The following TXNRD1 variants were observed in gnomAD, a reference collection of about 807,000 sequenced individuals.
The protein encoded by TXNRD1 is thioredoxin reductase 1.
Under a neutral mutation model 80.3 loss-of-function variants are expected in TXNRD1, and 57 were observed. That is an observed-to-expected ratio of 0.71 (90% CI 0.57 to 0.89). The LOEUF (loss-of-function observed/expected upper bound fraction) is 0.89, where lower values mean the gene tolerates loss of function less well. Among genes scored for constraint, TXNRD1 ranks in the 40% least tolerant of loss-of-function variants. The probability of loss-of-function intolerance (pLI) is 0.00; values close to 1 mark genes in which losing one functional copy is unlikely to be tolerated. For synonymous variants in TXNRD1, 291 were observed against 285.2 expected (o/e 1.02, Z -0.20); for missense variants, 730 against 803.0 (o/e 0.91, Z 1.10).
chr12:104,309,152 G>A (rs549227867), intron 4 of TXNRD1, among the ~76,000 whole-genome samples: 5 of 152,056 alleles, frequency 3.3e-5, no homozygotes, highest in South Asian at 2.1e-4. Context: ...CTCCCGCTTC[G>A]GCCTCCCAAA....
chr12:104,347,500 A>G (rs1238740821), intron 16 of TXNRD1, among the ~76,000 whole-genome samples: 1 of 152,226 alleles, frequency 6.6e-6, no homozygotes, highest in East Asian at 1.9e-4. Context: ...CTTGTTAGTC[A>G]CTGCAAATGA....
At chr12:104,330,565 G>C (rs2035914053) in intron 13 of TXNRD1, among the ~76,000 whole-genome samples, 1 of 147,748 alleles carries the variant, frequency 6.8e-6, no homozygotes, top group Non-Finnish European at 1.5e-5. Flanking sequence ...GTGAACTATA[G>C]AACCATTTCC....
intron 1 of TXNRD1, among the ~76,000 whole-genome samples, chr12:104,216,376 T>A (rs554710715): frequency 2.6e-5 from 4 of 152,194 alleles, no homozygotes; most frequent in Admixed American, 6.5e-5. Context: ...TCGAGAATCT[T>A]GTCCGACACG....
chr12:104,271,216 C>T (rs553677803), intron 3 of TXNRD1, among the ~76,000 whole-genome samples: 4 of 137,332 alleles, frequency 2.9e-5, no homozygotes, highest in Admixed American at 2.4e-4. Context: ...GACGGAGTCT[C>T]GCTCTGTCGC....
chr12:104,215,799 C>T lies in TXNRD1; in HGVS notation c.-4C>T, dbSNP rs1020095018. On this transcript the variant is annotated 5_prime_UTR_variant, in exon 1 of 17. Coordinates refer to ENST00000525566, the MANE Select transcript of TXNRD1 (RefSeq NM_001093771.3). Reference sequence around the variant, plus strand: ...CCGTCAGTTCCCACAGGGCCTTGTGCGACATGGGCTGCGCCGAGGGCAAGG... The same window carrying T: ...CCGTCAGTTCCCACAGGGCCTTGTGTGACATGGGCTGCGCCGAGGGCAAGG... 3 of 1,556,096 alleles carry T rather than the reference C, an allele frequency of 1.9e-6. No individual in the cohort carries two copies. Among genetic ancestry groups the T allele is most frequent in the African/African-American group, 2.7e-5 (2 of 73,198 alleles).
chr12:104,300,665 T>C (rs1319150267), intron 4 of TXNRD1, among the ~76,000 whole-genome samples: 1 of 152,064 alleles, frequency 6.6e-6, no homozygotes, highest in African/African-American at 2.4e-5. Context: ...TAAAGGCAGA[T>C]TTGTTTTGTT....
intron 10 of TXNRD1, among the ~76,000 whole-genome samples, chr12:104,323,547 C>A: frequency 7.2e-6 from 1 of 138,474 alleles, no homozygotes; most frequent in African/African-American, 2.8e-5. Flanking sequence ...CCCCCACCTC[C>A]CTCCCGGACG....
rs909397340 is a variant in TXNRD1, at chr12:104,258,319, C to A, written c.304+240C>A. The A allele has an allele frequency of 8.1e-6, 3 of 371,984 alleles. No homozygotes were observed. In the Admixed American group the frequency reaches 1.5e-4, roughly 18 times the overall value. 23.0% of individuals were successfully genotyped at this position (371,984 alleles called of 1,614,324 possible). On this transcript the variant is annotated intron_variant, in intron 3 of 16. Coordinates refer to ENST00000525566, the MANE Select transcript of TXNRD1 (RefSeq NM_001093771.3). The stretch of plus-strand genomic sequence containing the variant: ...AGAGTTTCCTCTTATTGAAATTATT[C>A]TTCTTATTACTCATGAATCTAGTTA...
intron 10 of TXNRD1, among the ~76,000 whole-genome samples, chr12:104,323,435 G>A (rs571317825): frequency 7.2e-6 from 1 of 138,206 alleles, no homozygotes; most frequent in Non-Finnish European, 1.6e-5. Context: ...CGGACGGGGC[G>A]GCTGGCCGGG....
rs553708957 is a variant in TXNRD1, at chr12:104,285,886, C to T, written c.305-3045C>T. On this transcript the variant is annotated intron_variant, in intron 3 of 16. Transcript: ENST00000525566. ...CTAGATCCATTCTCTGTTCTAGGGACTCCAGAATCAGGTGAAACACTCATG... is the reference window on the plus strand; with the variant it reads ...CTAGATCCATTCTCTGTTCTAGGGATTCCAGAATCAGGTGAAACACTCATG... 3 of 152,274 alleles carry T rather than the reference C, an allele frequency of 2.0e-5. No homozygotes were observed. In the East Asian group the frequency reaches 5.8e-4, roughly 29 times the overall value. 9.4% of individuals were successfully genotyped at this position (152,274 alleles called of 1,614,324 possible).
At chr12:104,309,381 A>G (rs993536121) in intron 4 of TXNRD1, among the ~76,000 whole-genome samples, 1 of 152,254 alleles carries the variant, frequency 6.6e-6, no homozygotes, top group Non-Finnish European at 1.5e-5. Context: ...GGTTACATAC[A>G]GAATTTCAGT....
chr12:104,258,145 T>G, intron 3 of TXNRD1, 66 bp downstream of exon 3: 1 of 1,237,900 alleles, frequency 8.1e-7, no homozygotes, highest in African/African-American at 1.5e-5. Flanking sequence ...TTATTCTATC[T>G]GGCTTTAATT....
At chr12:104,278,367 A>AT (rs1414404624) in intron 3 of TXNRD1, among the ~76,000 whole-genome samples, 1 of 134,418 alleles carries the variant, frequency 7.4e-6, no homozygotes, top group Non-Finnish European at 1.6e-5. Flanking sequence ...AGCCTGGCTA[A>AT]TTTTTTGCGT....
chr12:104,235,100 C>G (rs1331302388), intron 1 of TXNRD1, among the ~76,000 whole-genome samples: 1 of 152,174 alleles, frequency 6.6e-6, no homozygotes, highest in African/African-American at 2.4e-5. Flanking sequence ...CTCAGCAAGG[C>G]AAATTTACTT....
At chr12:104,252,843 C>T (rs1030704696) in intron 2 of TXNRD1, among the ~76,000 whole-genome samples, 1 of 150,406 alleles carries the variant, frequency 6.6e-6, no homozygotes, top group African/African-American at 2.4e-5. Flanking sequence ...GCTGGGACTA[C>T]AGGTGCCCGC....
intron 1 of TXNRD1, among the ~76,000 whole-genome samples, chr12:104,249,935 C>CAAA (rs59924751): frequency 0.11 from 11,469 of 102,122 alleles, 859 homozygotes; most frequent in Middle Eastern, 0.19. Context: ...GACGCCGTCT[C>CAAA]AAAAAAAAAA....
intron 1 of TXNRD1, among the ~76,000 whole-genome samples, chr12:104,236,519 G>A (rs1288992276): frequency 6.6e-6 from 1 of 152,154 alleles, no homozygotes; most frequent in Non-Finnish European, 1.5e-5. Context: ...TTCAGGCATG[G>A]TGGCTCACAC....
chr12:104,303,886 C>T lies in TXNRD1; in HGVS notation c.415-7404C>T, dbSNP rs543810140. 6 of 1,523,122 alleles carry T rather than the reference C, an allele frequency of 3.9e-6. No individual in the cohort carries two copies. The African/African-American group carries it at 4.1e-5, about 10-fold the overall frequency. The allele number at this position is 1,523,122 out of a possible 1,614,324, so 94.4% of individuals were successfully genotyped here. A position where few individuals can be genotyped will look rare whatever the true frequency, so the allele number is the denominator to read the frequency against. On this transcript the variant is annotated intron_variant, in intron 4 of 16. Coordinates refer to ENST00000525566, the MANE Select transcript of TXNRD1 (RefSeq NM_001093771.3). ...AAGGAGAGGAGCAGCTCGTGATCATCCCCGGTAGCGAGTACGCGGCGAAGT... is the reference window on the plus strand; with the variant it reads ...AAGGAGAGGAGCAGCTCGTGATCATTCCCGGTAGCGAGTACGCGGCGAAGT...
chr12:104,348,225 C>T (rs1462247047), intron 16 of TXNRD1, 128 bp from the exon 17 acceptor site: 19 of 757,396 alleles, frequency 2.5e-5, no homozygotes, highest in African/African-American at 5.2e-5. Context: ...GATCATACTA[C>T]TTCTCTGTTT....
Sources: allele counts gnomAD v4.1 joint callset (sites outside exome capture counted in the v4.1 genomes callset), GRCh38; gene constraint gnomAD v4.1.1; transcripts MANE v1.5; gene names NCBI Gene and HGNC (gene_info 2026-07-23, HGNC 2026-07-21).